MTM1: variants seen among roughly 807,000 people sequenced by gnomAD.
MTM1 encodes the protein myotubularin.
Under a neutral mutation model 52.1 loss-of-function variants are expected in MTM1, and 9 were observed. That is an observed-to-expected ratio of 0.17 (90% confidence interval 0.10 to 0.30). The LOEUF is 0.30. MTM1 is among the 10% of genes least tolerant of loss of function. MTM1 has a pLI of 1.00. For missense variants in MTM1, 277 were observed against 470.7 expected, an observed-to-expected ratio of 0.59 and a Z score of 3.81; for synonymous variants, 136 against 163.8, an observed-to-expected ratio of 0.83 and a Z score of 1.29.
intron 10 of MTM1, among the ~76,000 whole-genome samples, chrX:150,652,932 T>C (rs782145603): frequency 9.1e-6 from 1 of 110,281 alleles, no homozygotes; most frequent in South Asian, 3.9e-4. Flanking sequence ...GTTCAATGGC[T>C]CAGATGTCTG....
intron 8 of MTM1, among the ~76,000 whole-genome samples, chrX:150,645,371 A>G (rs1191758979): frequency 8.9e-6 from 1 of 112,787 alleles, no homozygotes; most frequent in African/African-American, 3.2e-5. Context: ...AGTGCAAGCT[A>G]CATAATTAAA....
chrX:150,572,070 C>A (rs2038387493), intron 1 of MTM1, among the ~76,000 whole-genome samples: 1 of 112,198 alleles, frequency 8.9e-6, no homozygotes, highest in African/African-American at 3.2e-5. Flanking sequence ...CTTTCTATTT[C>A]TACCAGAGGA....
chrX:150,597,427 C>T (rs1336058255), intron 3 of MTM1, among the ~76,000 whole-genome samples: 1 of 111,887 alleles, frequency 8.9e-6, no homozygotes, highest in African/African-American at 3.3e-5. Flanking sequence ...TGTGTTCATC[C>T]CAATTTCTGG....
rs782130352 is a variant in MTM1, at chrX:150,572,252, C to T, written c.-11+3590C>T. Among the ~76,000 whole-genome samples the T allele has an allele frequency of 5.1e-4, 57 of 112,062 alleles. 1 individual carries two copies. The highest frequency in any genetic ancestry group is 1.8e-3 in the African/African-American group (55 of 30,845). ...ATCTGTAAGATAGAGCTAATAAAAC[C>T]TGCCCTGCCAAGTTTCCAGAGTTCG... On this transcript the variant is annotated intron_variant, in intron 1 of 14. Transcript: ENST00000370396.
chrX:150,568,563 GC>G (rs1785355550), upstream of MTM1: 1 of 113,515 alleles, frequency 8.8e-6, no homozygotes, highest in African/African-American at 3.2e-5. Context: ...GCGGGCGGTG[GC>G]CGGGGGCGGG....
At chrX:150,669,587 T>C (rs1321289810) in intron 14 of MTM1, among the ~76,000 whole-genome samples, 1 of 112,268 alleles carries the variant, frequency 8.9e-6, no homozygotes, top group Non-Finnish European at 1.9e-5. Context: ...GGTATCTCAC[T>C]GCGGTTTTGA....
At chrX:150,566,755 T>G (rs1350290032), upstream of MTM1, among the ~76,000 whole-genome samples, 4 of 110,924 alleles carry the variant, frequency 3.6e-5, no homozygotes, top group African/African-American at 1.3e-4. Flanking sequence ...CTTGGGACAC[T>G]TAACCAGGCC....
chrX:150,663,710 A>G, intron 14 of MTM1, 101 bp downstream of exon 14: 1 of 771,822 alleles, frequency 1.3e-6, no homozygotes, highest in Middle Eastern at 3.0e-4. Flanking sequence ...GAAAAATATC[A>G]GACTCTAAAA....
In MTM1 at chrX:150,649,969, AT is replaced by A; in HGVS notation, c.1053+73del. The stretch of plus-strand genomic sequence containing the variant: ...TGTAATTGTTTAGTGGAATGGACAT[AT>A]TTTTAAATTCCTTAAAAAAATGGAC... On this transcript the variant is annotated intron_variant, in intron 10 of 14. Coordinates refer to ENST00000370396, the MANE Select transcript of MTM1 (RefSeq NM_000252.3). 8.0e-6 allele frequency: 8 copies of A among 1,000,398 alleles called. No homozygotes were observed. The South Asian group carries it at 1.5e-4, about 19-fold the overall frequency. 82.4% of individuals were successfully genotyped at this position (1,000,398 alleles called of 1,213,427 possible).
Position 150,657,761 on chromosome X carries a change from C to T in MTM1, c.1054-60C>T. On this transcript the variant is annotated intron_variant, in intron 10 of 14. Coordinates refer to ENST00000370396, the MANE Select transcript of MTM1 (RefSeq NM_000252.3). Reference sequence around the variant, plus strand: ...GCATGGCTTTTTCTAAGTTTAAAAACTATCAAATGTAAGCAGTATCTTATA... The same window carrying T: ...GCATGGCTTTTTCTAAGTTTAAAAATTATCAAATGTAAGCAGTATCTTATA... 6 of 1,049,243 alleles carry T rather than the reference C, an allele frequency of 5.7e-6. No homozygotes were observed. In the Admixed American group the frequency reaches 1.3e-4, roughly 23 times the overall value. The allele number at this position is 1,049,243 out of a possible 1,213,427, so 86.5% of individuals were successfully genotyped here. A position where few individuals can be genotyped will look rare whatever the true frequency, so the allele number is the denominator to read the frequency against.
At chrX:150,579,975 G>T (rs1209969728) in intron 1 of MTM1, among the ~76,000 whole-genome samples, 2 of 111,283 alleles carry the variant, frequency 1.8e-5, no homozygotes, top group East Asian at 2.8e-4. Flanking sequence ...TGTAAATACA[G>T]TTTTACTTCT....
chrX:150,611,932 C>T (rs1370724226), intron 4 of MTM1, among the ~76,000 whole-genome samples: 2 of 112,328 alleles, frequency 1.8e-5, no homozygotes, highest in Admixed American at 9.4e-5. Flanking sequence ...TGGTGGCCCA[C>T]GCCTGTAATC....
At chrX:150,653,523 C>T (rs1206507306) in intron 10 of MTM1, among the ~76,000 whole-genome samples, 1 of 112,327 alleles carries the variant, frequency 8.9e-6, no homozygotes, top group Non-Finnish European at 1.9e-5. Flanking sequence ...GGGATTAGGA[C>T]GTGGACATCT....
intron 1 of MTM1, among the ~76,000 whole-genome samples, chrX:150,590,034 G>A (rs1180325211): frequency 1.8e-5 from 2 of 111,798 alleles, no homozygotes; most frequent in Non-Finnish European, 3.8e-5. Context: ...TAAAATGGGG[G>A]TAATAGCAAC....
chrX:150,670,287 C>G (rs1415934552), intron 14 of MTM1, among the ~76,000 whole-genome samples: 1 of 112,369 alleles, frequency 8.9e-6, no homozygotes, highest in Non-Finnish European at 1.9e-5. Context: ...ACATCAATCC[C>G]TTGTTTACTC....
At chrX:150,646,639 C>T (rs1603193582) in intron 9 of MTM1, among the ~76,000 whole-genome samples, 2 of 112,569 alleles carry the variant, frequency 1.8e-5, no homozygotes, top group African/African-American at 3.2e-5. Flanking sequence ...CAAATGCTCA[C>T]GAGGGGCCTG....
At chrX:150,640,231 G>A (rs1557413816) in intron 7 of MTM1, among the ~76,000 whole-genome samples, 1 of 112,040 alleles carries the variant, frequency 8.9e-6, no homozygotes, top group Non-Finnish European at 1.9e-5. Flanking sequence ...ATAACATTAA[G>A]ACTTTTTTTT....
chrX:150,586,913 C>CAAAA (rs10618246), intron 1 of MTM1, among the ~76,000 whole-genome samples: 2 of 60,686 alleles, frequency 3.3e-5, no homozygotes, highest in Non-Finnish European at 6.0e-5. Flanking sequence ...CACTCTGTCT[C>CAAAA]AAAAAAAAAA....
intron 13 of MTM1, among the ~76,000 whole-genome samples, chrX:150,662,827 G>A (rs2040245836): frequency 9.3e-6 from 1 of 107,459 alleles, no homozygotes; most frequent in Non-Finnish European, 1.9e-5. Flanking sequence ...TTTTGTAAAC[G>A]CCTGCAATAA....
Sources: gnomAD v4.1 joint callset for allele counts (sites outside exome capture counted in the v4.1 genomes callset) on GRCh38, gnomAD v4.1.1 for gene constraint, MANE v1.5 for transcripts, NCBI Gene and HGNC (gene_info 2026-07-23, HGNC 2026-07-21) for gene names.